The following GPHN variants were observed in gnomAD, a reference collection of about 807,000 sequenced individuals.
The protein encoded by GPHN is gephyrin.
GPHN carries 17 observed loss-of-function variants against 95.5 expected under a neutral mutation model. The observed-to-expected ratio is 0.18, with a 90% CI of 0.12 to 0.27. The LOEUF (loss-of-function observed/expected upper bound fraction) is 0.27. Ranked by LOEUF, GPHN falls within the 10% of genes least tolerant of loss-of-function variation. The pLI, the probability that GPHN is intolerant of heterozygous loss-of-function variation, is 1.00. For synonymous variants in GPHN, 320 were observed against 322.5 expected, an observed-to-expected ratio of 0.99 and a Z score of 0.08; for missense variants, 660 against 978.1, an observed-to-expected ratio of 0.67 and a Z score of 4.34.
At chr14:67,501,044 T>TTAATAA in the GPHN span, among the ~76,000 whole-genome samples, 13,788 of 137,166 alleles carry the variant, frequency 0.1, 767 homozygotes, top group Admixed American at 0.13. Context: ...TACTTGGGGG[T>TTAATAA]TAATAATAAT....
the GPHN span, chr14:67,575,761 G>A: frequency 2.4e-6 from 3 of 1,261,204 alleles, no homozygotes; most frequent in African/African-American, 4.4e-5. Context: ...TATGTATTCA[G>A]AGAGAGGAGA....
the GPHN span, among the ~76,000 whole-genome samples, chr14:67,717,457 G>C: frequency 6.6e-6 from 1 of 152,240 alleles, no homozygotes; most frequent in Non-Finnish European, 1.5e-5. Context: ...ACTTGCTGTG[G>C]ACAGTAAGCA....
rs2057860417 is a variant in GPHN at position 66,508,171 on chromosome 14, A to G, written c.-357A>G. 2.1e-6 allele frequency: 1 copy of G among 471,158 alleles called. No homozygotes were observed. The highest frequency in any genetic ancestry group is 3.9e-6 in the Non-Finnish European group (1 of 255,602). 29.2% of individuals were successfully genotyped at this position (471,158 alleles called of 1,614,324 possible). A position where few individuals can be genotyped will look rare whatever the true frequency, so the allele number is the denominator to read the frequency against. Reference sequence around the variant, plus strand: ...TCCTTTCCTCTCAGTCCTGCCATCTAGCTGCCTTGGGTCTCGCGCTCCGCA... The same window carrying G: ...TCCTTTCCTCTCAGTCCTGCCATCTGGCTGCCTTGGGTCTCGCGCTCCGCA... On this transcript the variant is annotated 5_prime_UTR_variant, in exon 1 of 23. Coordinates refer to ENST00000478722, the MANE Select transcript of GPHN (RefSeq NM_020806.5).
intron 1 of GPHN, among the ~76,000 whole-genome samples, chr14:66,563,857 C>G (rs776053338): frequency 2.0e-5 from 3 of 152,070 alleles, no homozygotes; most frequent in Non-Finnish European, 2.9e-5. Flanking sequence ...ATGGTAATTT[C>G]TAGTCTGGCT....
chr14:67,549,860 A>G, the GPHN span, among the ~76,000 whole-genome samples: 1 of 152,254 alleles, frequency 6.6e-6, no homozygotes. Context: ...TTGCTAAAGA[A>G]AAGCTCTGTG....
intron 9 of GPHN, among the ~76,000 whole-genome samples, chr14:67,003,622 A>G (rs1489579130): frequency 6.6e-6 from 1 of 151,676 alleles, no homozygotes; most frequent in Admixed American, 6.6e-5. Context: ...ACTTCCCCAC[A>G]GCATCATCAA....
intron 1 of GPHN, among the ~76,000 whole-genome samples, chr14:66,630,541 A>G (rs1032490706): frequency 6.6e-6 from 1 of 151,526 alleles, no homozygotes; most frequent in African/African-American, 2.4e-5. Context: ...GCGCGATCTC[A>G]GCTCACTGGA....
the GPHN span, chr14:67,312,488 T>G: frequency 5.0e-6 from 7 of 1,389,460 alleles, no homozygotes; most frequent in Non-Finnish European, 6.7e-6. Flanking sequence ...ACATTTTATA[T>G]TGCCATTTAT....
intron 9 of GPHN, among the ~76,000 whole-genome samples, chr14:67,022,313 C>G (rs139049510): frequency 0.012 from 1,827 of 151,848 alleles, 19 homozygotes; most frequent in Non-Finnish European, 0.018. Context: ...ACCCTCAAAC[C>G]TCTCTCTCTT....
At chr14:67,359,593 T>C in the GPHN span, 6 of 1,579,122 alleles carry the variant, frequency 3.8e-6, no homozygotes, top group Non-Finnish European at 5.2e-6. Context: ...TGGCCCAGGG[T>C]CTGAAGGGAC....
chr14:67,012,391 C>T (rs2073062459), intron 9 of GPHN, among the ~76,000 whole-genome samples: 1 of 152,116 alleles, frequency 6.6e-6, no homozygotes, highest in African/African-American at 2.4e-5. Context: ...TATGAAATAG[C>T]AGATTTTTTC....
chr14:67,332,518 T>C, the GPHN span, among the ~76,000 whole-genome samples: 1 of 152,198 alleles, frequency 6.6e-6, no homozygotes, highest in African/African-American at 2.4e-5. Context: ...GTTGGTGAGA[T>C]AAGACAAAAT....
At chr14:67,664,161 A>AT in the GPHN span, among the ~76,000 whole-genome samples, 123 of 152,328 alleles carry the variant, frequency 8.1e-4, 2 homozygotes, top group African/African-American at 2.7e-3. Flanking sequence ...AAAATTTACC[A>AT]TTTTGACCAT....
chr14:67,360,384 G>T, the GPHN span: 2 of 396,152 alleles, frequency 5.0e-6, no homozygotes, highest in African/African-American at 2.1e-5. Flanking sequence ...CGGTGAGGGG[G>T]AAGCAAGTCT....
the GPHN span, among the ~76,000 whole-genome samples, chr14:67,523,039 C>A: frequency 2.6e-5 from 4 of 152,242 alleles, no homozygotes; most frequent in Admixed American, 2.0e-4. Context: ...TCATGAGGAG[C>A]CCAGGCTGGG....
chr14:67,559,364 A>G, the GPHN span, among the ~76,000 whole-genome samples: 8 of 152,160 alleles, frequency 5.3e-5, no homozygotes, highest in Non-Finnish European at 1.0e-4. Context: ...TTCTCCTTCC[A>G]TGTCAGGGAT....
chr14:66,801,772 CT>C (rs987595795), intron 3 of GPHN, among the ~76,000 whole-genome samples: 2 of 150,930 alleles, frequency 1.3e-5, no homozygotes, highest in Non-Finnish European at 3.0e-5. Context: ...GCTGTAACCA[CT>C]TTCTGGCTAC....
the GPHN span, among the ~76,000 whole-genome samples, chr14:67,371,911 A>G: frequency 6.6e-6 from 1 of 152,262 alleles, no homozygotes; most frequent in Admixed American, 6.5e-5. Flanking sequence ...CAATGTATAA[A>G]AAGGATAATA....
the GPHN span, among the ~76,000 whole-genome samples, chr14:67,632,046 G>A: frequency 2.0e-5 from 3 of 151,890 alleles, no homozygotes; most frequent in Admixed American, 2.0e-4. Flanking sequence ...AGCTAATTTT[G>A]TTTATTTTTT....
Sources: gnomAD v4.1 joint callset for allele counts (sites outside exome capture counted in the v4.1 genomes callset) on GRCh38, gnomAD v4.1.1 for gene constraint, MANE v1.5 for transcripts, NCBI Gene and HGNC (gene_info 2026-07-23, HGNC 2026-07-21) for gene names.